Variants in PHIP observed in about 807,000 individuals in gnomAD.
PHIP encodes the protein PHIP subunit of CUL4-Ring ligase complex, also known as PH-interacting protein.
PHIP carries 54 observed loss-of-function variants against 236.8 expected under a neutral mutation model. The ratio of observed to expected loss-of-function variants is 0.23; its 90% CI spans 0.18 to 0.29. PHIP has a LOEUF of 0.29. PHIP is among the 10% of genes least tolerant of loss of function. The pLI is 1.00. For missense variants in PHIP, 1,370 were observed against 2,190.8 expected, an observed-to-expected ratio of 0.63 and a Z score of 7.48; for synonymous variants, 756 against 718.9, an observed-to-expected ratio of 1.05 and a Z score of -0.83.
chr6:78,951,311 T>C (rs1225971307), intron 35 of PHIP, among the ~76,000 whole-genome samples: 1 of 152,186 alleles, frequency 6.6e-6, no homozygotes, highest in African/African-American at 2.4e-5. Flanking sequence ...ACATAATAGC[T>C]GCTCAATACA....
rs541835183 is a variant in PHIP at position 78,973,474 on chromosome 6, G to A, written c.2890-2586C>T. ...CTAGGAAGAAACTGCATCAACTAAT[G>A]AGCAAAATAACCAGCTAACATCATA... is the stretch of plus-strand genomic sequence containing the variant. On this transcript the variant is annotated intron_variant, in intron 24 of 39. Coordinates refer to ENST00000275034, the MANE Select transcript of PHIP (RefSeq NM_017934.7). 2.6e-3 allele frequency among the ~76,000 whole-genome samples: 250 copies of A among 94,862 alleles called. 1 individual carries two copies. Among genetic ancestry groups the A allele is most frequent in the African/African-American group, 9.5e-3 (234 of 24,710 alleles). 62.2% of individuals were successfully genotyped at this position (94,862 alleles called of 152,430 possible).
In PHIP at chr6:78,940,842, G is replaced by A. The variant is rs1554193405; in HGVS notation, c.5317C>T (p.Arg1773Ter). The A allele has an allele frequency of 6.2e-7, 1 of 1,613,816 alleles. No homozygotes were observed. Among genetic ancestry groups the A allele is most frequent in the Non-Finnish European group, 8.5e-7 (1 of 1,179,896 alleles). The change falls in exon 40 of 40, where the codon CGA becomes TGA. Residue 1773 changes from arginine (R) to a stop codon, truncating the protein, a stop_gained. Transcript: ENST00000275034. LOFTEE classifies it high-confidence loss of function. ...TCCTCATTATAGAAAGCTGTCCTTC[G>A]ACCTTGATTTCTAGTTCTCATGTGG... ...EPHMRTRNQGRRTAFYNEDDS... is the reference protein window; with the variant it reads ...EPHMRTRNQG
rs1773267837 is a variant in PHIP, at chr6:78,936,227, G to GTA, written c.*4465_*4466insTA. On this transcript the variant is annotated 3_prime_UTR_variant, in exon 40 of 40. Coordinates refer to ENST00000275034, the MANE Select transcript of PHIP (RefSeq NM_017934.7). Reference sequence around the variant, plus strand: ...AAACATTGTTTTCTGTACAAAATAAGCATAATCTTAATTTGAAAATGTGTC... The same window carrying GTA: ...AAACATTGTTTTCTGTACAAAATAAGTACATAATCTTAATTTGAAAATGTGTC... 1 of 151,904 alleles carries GTA rather than the reference G, an allele frequency of 6.6e-6. No individual in the cohort carries two copies. Among genetic ancestry groups the GTA allele is most frequent in the Non-Finnish European group, 1.5e-5 (1 of 67,826 alleles). 9.4% of individuals were successfully genotyped at this position (151,904 alleles called of 1,614,324 possible).
intron 6 of PHIP, among the ~76,000 whole-genome samples, chr6:79,052,515 A>C (rs2127766707): frequency 6.6e-6 from 1 of 152,320 alleles, no homozygotes; most frequent in Admixed American, 6.5e-5. Context: ...GGAGAAAAGA[A>C]TGGAGTAATA....
chr6:79,030,685 T>C lies in PHIP; in HGVS notation c.601-4521A>G, dbSNP rs148949348. ...TACAAGAAGAGGTTTAGGTTAGAGA[T>C]AGAGATCTGGGTGTTATCAGTTTAT... On this transcript the variant is annotated intron_variant, in intron 7 of 39. Transcript: ENST00000275034. Among the ~76,000 whole-genome samples, 97 of 152,244 alleles carry C rather than the reference T, an allele frequency of 6.4e-4. 1 individual carries two copies. In the South Asian group the frequency reaches 8.1e-3, roughly 13 times the overall value.
chr6:78,964,722 A>C (rs1767022019), intron 29 of PHIP, among the ~76,000 whole-genome samples: 1 of 152,030 alleles, frequency 6.6e-6, no homozygotes, highest in African/African-American at 2.4e-5. Flanking sequence ...CCAACACCTG[A>C]CCTCGTGATC....
intron 33 of PHIP, 82 bp from the exon 34 acceptor site, chr6:78,955,364 C>A (rs2127691488): frequency 2.0e-6 from 2 of 980,796 alleles, no homozygotes; most frequent in East Asian, 2.5e-5. Context: ...CAATTATTTC[C>A]TTTACACACT....
chr6:78,957,245 T>A (rs571380574), intron 32 of PHIP: 2 of 152,154 alleles, frequency 1.3e-5, no homozygotes, highest in South Asian at 4.1e-4. Flanking sequence ...TACTATCTCA[T>A]GTAGTTCTAC....
At chr6:78,978,808 A>G in intron 23 of PHIP, 97 bp from the exon 24 acceptor site, 1 of 969,348 alleles carries the variant, frequency 1.0e-6, no homozygotes, top group East Asian at 2.7e-5. Context: ...ATTAAATAAA[A>G]GGGGAAGGGC....
Position 78,940,774 on chromosome 6 carries a change from G to C in PHIP, c.5385C>G (p.Thr1795=), listed in dbSNP as rs148793858. The change falls in exon 40 of 40, where the codon ACC becomes ACG. Residue 1795 remains threonine (T), a synonymous_variant. Coordinates refer to ENST00000275034, the MANE Select transcript of PHIP (RefSeq NM_017934.7). ...EEQRQLLFED[T]SLTFGTSSRG... Reference sequence around the variant, plus strand: ...TACTAGAAGTTCCAAAAGTTAAAGAGGTGTCTTCGAACAACAGCTGCCTTT... The same window carrying C: ...TACTAGAAGTTCCAAAAGTTAAAGACGTGTCTTCGAACAACAGCTGCCTTT... The C allele has an allele frequency of 3.7e-6, 6 of 1,613,586 alleles. No individual in the cohort carries two copies. The highest frequency in any genetic ancestry group is 5.1e-6 in the Non-Finnish European group (6 of 1,179,672).
chr6:79,055,272 C>T (rs1462495549), intron 6 of PHIP, among the ~76,000 whole-genome samples: 1 of 152,130 alleles, frequency 6.6e-6, no homozygotes, highest in Non-Finnish European at 1.5e-5. Context: ...TAATGTATTA[C>T]AATCTTTTTC....
At chr6:78,958,325 A>C (rs1766558734) in intron 32 of PHIP, 150 bp downstream of exon 32, 1 of 528,396 alleles carries the variant, frequency 1.9e-6, no homozygotes, top group Non-Finnish European at 3.4e-6. Context: ...AGAGACCTTT[A>C]GATCTTCAGT....
At position 79,016,577 on chromosome 6, in the gene PHIP, C is replaced by G; in HGVS notation, c.1202G>C (p.Ser401Thr). 1 of 1,611,036 alleles carries G rather than the reference C, an allele frequency of 6.2e-7. No individual in the cohort carries two copies. The highest frequency in any genetic ancestry group is 8.5e-7 in the Non-Finnish European group (1 of 1,177,718). Reference protein sequence around the residue: ...IWQFKRREWKSILLDMATRPA... With the variant: ...IWQFKRREWKTILLDMATRPA... ...ACGAGTAGCCATATCCAACAAAATG[C>G]TCTTCCACTCTCTTCGTTTAAATTG... Residue 401 changes from serine (S) to threonine (T), a missense_variant, in exon 13 of 40, where the codon AGC becomes ACC. Ser to Thr is a moderately conservative substitution (Grantham distance 58). This residue lies in a region of PHIP where 188 missense variants were observed against 354.3 expected (regional missense o/e 0.53). Transcript: ENST00000275034.
At chr6:79,063,750 C>G (rs1345622566) in intron 4 of PHIP, among the ~76,000 whole-genome samples, 1 of 152,072 alleles carries the variant, frequency 6.6e-6, no homozygotes, top group Non-Finnish European at 1.5e-5. Context: ...TTAAAGAAAG[C>G]CTTAGAACAT....
chr6:79,074,707 C>G (rs890373934), intron 4 of PHIP, among the ~76,000 whole-genome samples: 2 of 152,020 alleles, frequency 1.3e-5, no homozygotes, highest in Non-Finnish European at 2.9e-5. Flanking sequence ...AAGATACGAC[C>G]ATTTCCTTTC....
intron 24 of PHIP, among the ~76,000 whole-genome samples, chr6:78,974,509 C>A (rs927215663): frequency 6.6e-6 from 1 of 150,626 alleles, no homozygotes; most frequent in African/African-American, 2.4e-5. Flanking sequence ...TAGCAGAAGG[C>A]AAGAAATAAC....
intron 35 of PHIP, among the ~76,000 whole-genome samples, chr6:78,952,577 T>C (rs1766113597): frequency 1.3e-5 from 2 of 152,096 alleles, no homozygotes; most frequent in South Asian, 2.1e-4. Flanking sequence ...CCACTACCTC[T>C]TACCCTCTCC....
chr6:78,951,947 A>G (rs1233985632), intron 35 of PHIP, among the ~76,000 whole-genome samples: 1 of 152,178 alleles, frequency 6.6e-6, no homozygotes, highest in Admixed American at 6.5e-5. Flanking sequence ...GTTCAACATC[A>G]GTAAAGTGAG....
chr6:78,978,810 G>A, intron 23 of PHIP, 99 bp from the exon 24 acceptor site: 7 of 964,702 alleles, frequency 7.3e-6, no homozygotes, highest in South Asian at 4.1e-5. Context: ...TAAATAAAAG[G>A]GGAAGGGCAC....
Sources: allele counts gnomAD v4.1 joint callset (sites outside exome capture counted in the v4.1 genomes callset), GRCh38; gene constraint gnomAD v4.1.1; regional missense constraint gnomAD v4.1.1; transcripts MANE v1.5; gene names NCBI Gene and HGNC (gene_info 2026-07-23, HGNC 2026-07-21).